Variants in RCOR1 observed in about 807,000 individuals in gnomAD.
RCOR1 encodes the protein REST corepressor.
In RCOR1, 12 loss-of-function variants were observed where a neutral mutation model predicts 64.0. The observed-to-expected ratio is 0.19, with a 90% confidence interval of 0.12 to 0.30. The LOEUF is 0.30. Among genes scored for constraint, RCOR1 ranks in the 10% least tolerant of loss-of-function variants. The pLI, the probability that RCOR1 is intolerant of heterozygous loss-of-function variation, is 1.00. For missense variants in RCOR1, 502 were observed against 621.2 expected, an observed-to-expected ratio of 0.81 and a Z score of 2.04; for synonymous variants, 279 against 227.2, an observed-to-expected ratio of 1.23 and a Z score of -2.05.
chr14:102,603,227 T>C (rs1222107787), intron 2 of RCOR1, among the ~76,000 whole-genome samples: 1 of 152,102 alleles, frequency 6.6e-6, no homozygotes, highest in Admixed American at 6.6e-5. Context: ...ACTACAGTTG[T>C]TCACCACCAC....
rs1187441632 is a variant in RCOR1, at chr14:102,592,865, C to T, written c.-22C>T. ...AGGAGCCGCGGGTCCCCGCCACTTT[C>T]GCACGGCCCCGGCCCCCGCCGATGC... On this transcript the variant is annotated 5_prime_UTR_variant, in exon 1 of 12. Transcript: ENST00000262241. 3 of 1,184,462 alleles carry T rather than the reference C, an allele frequency of 2.5e-6. No homozygotes were observed. Among genetic ancestry groups the T allele is most frequent in the Admixed American group, 4.6e-5 (1 of 21,646 alleles). 73.4% of individuals were successfully genotyped at this position (1,184,462 alleles called of 1,614,324 possible). A position where few individuals can be genotyped will look rare whatever the true frequency, so the allele number is the denominator to read the frequency against.
At chr14:102,601,654 A>G (rs1893400441) in intron 2 of RCOR1, among the ~76,000 whole-genome samples, 1 of 152,216 alleles carries the variant, frequency 6.6e-6, no homozygotes, top group African/African-American at 2.4e-5. Flanking sequence ...CAGCCAGAGT[A>G]GATTGTTAGA....
chr14:102,706,129 A>AAC (rs1895851048), intron 4 of RCOR1, among the ~76,000 whole-genome samples: 1 of 149,792 alleles, frequency 6.7e-6, no homozygotes, highest in African/African-American at 2.5e-5. Context: ...AAAAAAAAAA[A>AAC]AAAAAAAAAA....
chr14:102,598,223 T>G (rs1230648137), intron 2 of RCOR1, among the ~76,000 whole-genome samples: 1 of 152,220 alleles, frequency 6.6e-6, no homozygotes, highest in Non-Finnish European at 1.5e-5. Context: ...CCCAAAGTGT[T>G]GGGATTACAG....
At chr14:102,678,579 A>G (rs1014372909) in intron 2 of RCOR1, among the ~76,000 whole-genome samples, 8 of 152,156 alleles carry the variant, frequency 5.3e-5, no homozygotes, top group African/African-American at 1.7e-4. Flanking sequence ...GGCGTGAGTC[A>G]CTGCTCCCAG....
At chr14:102,613,308 G>T (rs1429499999) in intron 2 of RCOR1, among the ~76,000 whole-genome samples, 1 of 151,254 alleles carries the variant, frequency 6.6e-6, no homozygotes, top group African/African-American at 2.4e-5. Flanking sequence ...CACCGTGTTG[G>T]CCTGGCTGGT....
rs1211261919 is a variant in RCOR1 at position 102,727,602 on chromosome 14, A to G, written c.*1096A>G. On this transcript the variant is annotated 3_prime_UTR_variant, in exon 12 of 12. Coordinates refer to ENST00000262241, the MANE Select transcript of RCOR1 (RefSeq NM_015156.4). ...CCTGGCCTTTTATGTGGCACTCTGT[A>G]TGTCAGTTTGTGTCCTTCATGTGCT... 6.6e-6 allele frequency: 1 copy of G among 152,042 alleles called. No homozygotes were observed. Among genetic ancestry groups the G allele is most frequent in the South Asian group, 2.1e-4 (1 of 4,802 alleles). The allele number at this position is 152,042 out of a possible 1,614,324, so 9.4% of individuals were successfully genotyped here. A position where few individuals can be genotyped will look rare whatever the true frequency, so the allele number is the denominator to read the frequency against.
At chr14:102,668,474 C>A (rs929340677) in intron 2 of RCOR1, among the ~76,000 whole-genome samples, 5 of 152,102 alleles carry the variant, frequency 3.3e-5, no homozygotes, top group African/African-American at 9.7e-5. Context: ...CTGGGTAATA[C>A]AATACAAAGT....
Position 102,592,907 on chromosome 14 carries a change from G to A in RCOR1, c.21G>A (p.Lys7=), listed in dbSNP as rs943112002. The change falls in exon 1 of 12, where the codon AAG becomes AAA. Residue 7 remains lysine (K), a synonymous_variant. Coordinates refer to ENST00000262241, the MANE Select transcript of RCOR1 (RefSeq NM_015156.4). ...CGCCGATGCCGGCCATGGTGGAGAAGGGCCCCGAGGTCTCAGGGAAGCGGA... is the reference window on the plus strand; with the variant it reads ...CGCCGATGCCGGCCATGGTGGAGAAAGGCCCCGAGGTCTCAGGGAAGCGGA... MPAMVE[K]GPEVSGKRRG... 5.7e-6 allele frequency: 7 copies of A among 1,236,672 alleles called. No homozygotes were observed. Among genetic ancestry groups the A allele is most frequent in the Middle Eastern group, 6.3e-4 (2 of 3,166 alleles). 76.6% of individuals were successfully genotyped at this position (1,236,672 alleles called of 1,614,324 possible).
chr14:102,658,155 A>G (rs1161537286), intron 2 of RCOR1, among the ~76,000 whole-genome samples: 1 of 151,944 alleles, frequency 6.6e-6, no homozygotes, highest in Non-Finnish European at 1.5e-5. Context: ...TTGTATTTTT[A>G]GTGGAGACGG....
rs1412432571 is a variant in RCOR1 at position 102,722,188 on chromosome 14, C to T, written c.1191C>T (p.Ala397=). 1.9e-6 allele frequency: 3 copies of T among 1,611,672 alleles called. No homozygotes were observed. Among genetic ancestry groups the T allele is most frequent in the Non-Finnish European group, 2.5e-6 (3 of 1,177,890 alleles). ...TTEEQLLAVQ[A]IRKYGRDFQA... ...AAAAATGCTTTCTTACATCCTTAGC[C>T]ATCAGGAAATATGGCCGAGATTTTC... Residue 397 remains alanine, a splice_region_variant and synonymous_variant, in exon 11 of 12, where the codon GCC becomes GCT. Coordinates refer to ENST00000262241, the MANE Select transcript of RCOR1 (RefSeq NM_015156.4).
intron 11 of RCOR1, among the ~76,000 whole-genome samples, chr14:102,722,979 A>G (rs915100490): frequency 6.6e-6 from 1 of 152,170 alleles, no homozygotes; most frequent in Non-Finnish European, 1.5e-5. Context: ...AATTTCTGGA[A>G]TGATAACCCT....
intron 7 of RCOR1, among the ~76,000 whole-genome samples, chr14:102,713,731 A>T (rs1029666761): frequency 6.6e-6 from 1 of 152,250 alleles, no homozygotes; most frequent in South Asian, 2.1e-4. Context: ...AATTATCACT[A>T]CCATTATAGT....
At chr14:102,604,662 G>T (rs1166544731) in intron 2 of RCOR1, among the ~76,000 whole-genome samples, 3 of 152,112 alleles carry the variant, frequency 2.0e-5, no homozygotes, top group African/African-American at 4.8e-5. Context: ...TTATGTTTCA[G>T]TAAGAAAGGA....
Position 102,730,020 on chromosome 14 carries a change from CTCTTACCTG to C in RCOR1, c.*3525_*3533del, listed in dbSNP as rs1896340138. 4 of 398,968 alleles carry C rather than the reference CTCTTACCTG, an allele frequency of 1.0e-5. No individual in the cohort carries two copies. The Admixed American group carries it at 1.8e-4, about 18-fold the overall frequency. The allele number at this position is 398,968 out of a possible 1,614,324, so 24.7% of individuals were successfully genotyped here. ...GCCAGTCCCTGAATCTCTGCAGCTTCTCTTACCTGTCTTACCTGTAGTAAAGCACAATTG... is the reference window on the plus strand; with the variant it reads ...GCCAGTCCCTGAATCTCTGCAGCTTCTCTTACCTGTAGTAAAGCACAATTG... On this transcript the variant is annotated 3_prime_UTR_variant, in exon 12 of 12. Transcript: ENST00000262241.
intron 2 of RCOR1, among the ~76,000 whole-genome samples, chr14:102,599,834 GCT>G (rs1893349312): frequency 7.0e-6 from 1 of 142,974 alleles, no homozygotes; most frequent in African/African-American, 2.6e-5. Context: ...ACAAGGTCTT[GCT>G]CTGTCACACA....
chr14:102,617,782 G>T (rs865986988), intron 2 of RCOR1, among the ~76,000 whole-genome samples: 4 of 151,652 alleles, frequency 2.6e-5, no homozygotes, highest in Admixed American at 6.6e-5. Flanking sequence ...TAGAGACGGG[G>T]TTTCACCATA....
chr14:102,645,233 A>C (rs1217308848), intron 2 of RCOR1, among the ~76,000 whole-genome samples: 1 of 152,168 alleles, frequency 6.6e-6, no homozygotes, highest in East Asian at 1.9e-4. Context: ...AATCCTTAGA[A>C]GGCTCTTGGT....
chr14:102,692,880 C>T (rs1364451768), intron 3 of RCOR1, among the ~76,000 whole-genome samples: 1 of 151,734 alleles, frequency 6.6e-6, no homozygotes, highest in African/African-American at 2.4e-5. Flanking sequence ...ATTCTCGTGC[C>T]TCAGCCTCCC....
Sources: gnomAD v4.1 joint callset for allele counts (sites outside exome capture counted in the v4.1 genomes callset) on GRCh38, gnomAD v4.1.1 for gene constraint, MANE v1.5 for transcripts, NCBI Gene and HGNC (gene_info 2026-07-23, HGNC 2026-07-21) for gene names.